The following SERGEF variants were observed in gnomAD, a reference collection of about 807,000 sequenced individuals.
SERGEF encodes the protein secretion-regulating guanine nucleotide exchange factor.
In SERGEF, 51 loss-of-function variants were observed where a neutral mutation model predicts 50.0. That is an observed-to-expected ratio of 1.02 (90% CI 0.81 to 1.29). SERGEF has a LOEUF of 1.29. Ranked by LOEUF, SERGEF falls within the 50% of genes most tolerant of loss-of-function variation. The probability of loss-of-function intolerance (pLI) is 0.00; values close to 1 mark genes in which losing one functional copy is unlikely to be tolerated. For missense variants in SERGEF, 521 were observed against 557.0 expected (o/e 0.94, Z 0.65); for synonymous variants, 205 against 212.4 (o/e 0.97, Z 0.30).
In SERGEF at chr11:17,884,205, T is replaced by A. The variant is rs1164672182; in HGVS notation, c.1012-5961A>T. ...CTTCAGGTGCTATGGCAACGAGGCG[T>A]ACGTGCGGAAACACATGATGGCCAG... On this transcript the variant is annotated intron_variant, in intron 9 of 10. Coordinates refer to ENST00000265965, the MANE Select transcript of SERGEF (RefSeq NM_012139.4). This position sits in a 1 kb window ranked among gnomAD's most constrained non-coding sequence, Gnocchi z 4.6. Among the ~76,000 whole-genome samples, 1 of 152,200 alleles carries A rather than the reference T, an allele frequency of 6.6e-6. No individual in the cohort carries two copies. Among genetic ancestry groups the A allele is most frequent in the African/African-American group, 2.4e-5 (1 of 41,436 alleles).
chr11:17,906,977 T>G (rs554780208), intron 9 of SERGEF, among the ~76,000 whole-genome samples: 14 of 152,150 alleles, frequency 9.2e-5, no homozygotes, highest in African/African-American at 3.4e-4. Flanking sequence ...AGATGAGACT[T>G]TGGACTGTGC....
At chr11:17,860,132 T>C (rs1850900837) in intron 10 of SERGEF, among the ~76,000 whole-genome samples, 1 of 152,078 alleles carries the variant, frequency 6.6e-6, no homozygotes, top group South Asian at 2.1e-4. Flanking sequence ...GCTGAAAGAG[T>C]TGACGTCTTT....
intron 9 of SERGEF, among the ~76,000 whole-genome samples, chr11:17,927,578 G>C (rs146913715): frequency 2.9e-4 from 44 of 152,338 alleles, no homozygotes; most frequent in Non-Finnish European, 5.3e-4. Flanking sequence ...CCTCAGGCAA[G>C]TCACTCTCCT....
intron 9 of SERGEF, among the ~76,000 whole-genome samples, chr11:17,945,831 A>T (rs1852647276): frequency 6.6e-6 from 1 of 152,162 alleles, no homozygotes; most frequent in Non-Finnish European, 1.5e-5. Flanking sequence ...CAAAATAATT[A>T]GCTGGGCACA....
chr11:18,001,829 G>T, intron 4 of SERGEF: 1 of 240,000 alleles, frequency 4.2e-6, no homozygotes. Context: ...CTCTTTTAAA[G>T]GAACTCTATA....
At chr11:17,907,982 T>C (rs1355194573) in intron 9 of SERGEF, among the ~76,000 whole-genome samples, 1 of 152,210 alleles carries the variant, frequency 6.6e-6, no homozygotes, top group African/African-American at 2.4e-5. Flanking sequence ...CCTGATATTC[T>C]GAACCTATTT....
intron 9 of SERGEF, among the ~76,000 whole-genome samples, chr11:17,931,312 T>A (rs61884487): frequency 2.1e-3 from 317 of 152,246 alleles, no homozygotes; most frequent in Non-Finnish European, 3.1e-3. Flanking sequence ...AGAAAGAACA[T>A]GGGGGCAAAA....
intron 8 of SERGEF, among the ~76,000 whole-genome samples, chr11:17,965,017 GT>G (rs758027339): frequency 7.2e-5 from 11 of 152,198 alleles, no homozygotes; most frequent in Non-Finnish European, 1.3e-4. Context: ...ACTCCTTTCT[GT>G]ATAGCATGTG....
At chr11:18,011,912 G>A (rs1459867302) in intron 1 of SERGEF, among the ~76,000 whole-genome samples, 1 of 152,066 alleles carries the variant, frequency 6.6e-6, no homozygotes, top group Non-Finnish European at 1.5e-5. Context: ...AACAATTGCC[G>A]CCTTGTACTG....
At chr11:17,788,627 C>T (rs928828280) in intron 10 of SERGEF, among the ~76,000 whole-genome samples, 13 of 152,204 alleles carry the variant, frequency 8.5e-5, no homozygotes, top group African/African-American at 3.1e-4. Flanking sequence ...CCCATTCCCA[C>T]AAAACTCATG....
intron 9 of SERGEF, among the ~76,000 whole-genome samples, chr11:17,938,025 C>T (rs1156453679): frequency 6.6e-6 from 1 of 152,174 alleles, no homozygotes; most frequent in Non-Finnish European, 1.5e-5. Context: ...GCCACTATGC[C>T]ATCACCAGCT....
At chr11:17,957,627 T>G (rs57799842) in intron 9 of SERGEF, among the ~76,000 whole-genome samples, 1 of 151,726 alleles carries the variant, frequency 6.6e-6, no homozygotes, top group African/African-American at 2.4e-5. Context: ...AAACACAATC[T>G]AAAGAAATAT....
chr11:17,910,189 A>ACTCTCTCT (rs1213330445), intron 9 of SERGEF, among the ~76,000 whole-genome samples: 25 of 90,812 alleles, frequency 2.8e-4, no homozygotes, highest in African/African-American at 8.2e-4. Flanking sequence ...ACACACACAC[A>ACTCTCTCT]CACACTCTCT....
At chr11:17,854,841 G>T (rs879184421) in intron 10 of SERGEF, 1 of 152,244 alleles carries the variant, frequency 6.6e-6, no homozygotes, top group Admixed American at 6.5e-5. Context: ...TTCTGGCAAG[G>T]ATGTGGAGCT....
intron 9 of SERGEF, among the ~76,000 whole-genome samples, chr11:17,902,356 A>G (rs1851762668): frequency 6.6e-6 from 1 of 152,238 alleles, no homozygotes; most frequent in African/African-American, 2.4e-5. Context: ...AGGCTGCTAC[A>G]GTGGTCCAGG....
intron 10 of SERGEF, among the ~76,000 whole-genome samples, chr11:17,816,941 C>T (rs192818808): frequency 6.6e-6 from 1 of 152,158 alleles, no homozygotes; most frequent in Admixed American, 6.5e-5. Context: ...ATGTGATATA[C>T]CAAATGGTCC....
chr11:17,889,727 G>C (rs1469070729), intron 9 of SERGEF, among the ~76,000 whole-genome samples: 1 of 152,184 alleles, frequency 6.6e-6, no homozygotes, highest in Non-Finnish European at 1.5e-5. Flanking sequence ...TAAAAAGAGA[G>C]AGGACACAAA....
intron 9 of SERGEF, among the ~76,000 whole-genome samples, chr11:17,902,436 G>C (rs1014813037): frequency 2.0e-5 from 3 of 149,738 alleles, no homozygotes; most frequent in Non-Finnish European, 1.5e-5. Flanking sequence ...GGATGAATTT[G>C]CAAAGCATGT....
chr11:17,863,284 A>C (rs891082237), intron 10 of SERGEF, among the ~76,000 whole-genome samples: 4 of 152,252 alleles, frequency 2.6e-5, no homozygotes, highest in Non-Finnish European at 2.9e-5. Flanking sequence ...ACGAAAAAAA[A>C]GTTTTATCTG....
Sources: gnomAD v4.1 joint callset for allele counts (sites outside exome capture counted in the v4.1 genomes callset) on GRCh38, gnomAD v4.1.1 for gene constraint, Gnocchi (gnomAD v3.1) non-coding constraint, MANE v1.5 for transcripts, NCBI Gene and HGNC (gene_info 2026-07-23, HGNC 2026-07-21) for gene names.